The following SRRM2 variants were observed in gnomAD, a reference collection of about 807,000 sequenced individuals.
The protein encoded by SRRM2 is serine/arginine repetitive matrix protein 2.
In SRRM2, 30 loss-of-function variants were observed where a neutral mutation model predicts 213.8. The ratio of observed to expected loss-of-function variants is 0.14; its 90% CI spans 0.10 to 0.19. SRRM2 has a LOEUF of 0.19. Ranked by LOEUF, SRRM2 falls within the 10% of genes least tolerant of loss-of-function variation. The pLI is 1.00. For synonymous variants in SRRM2, 2,025 were observed against 1,377.7 expected (o/e 1.47, Z -10.40); for missense variants, 4,904 against 3,647.0 (o/e 1.34, Z -8.88).
chr16:2,770,245 C>G (rs370235436), intron 12 of SRRM2, 107 bp from the exon 13 acceptor site: 2 of 1,467,290 alleles, frequency 1.4e-6, no homozygotes, highest in Non-Finnish European at 1.8e-6. Context: ...TGAGGCTGGC[C>G]CTGTGTGGTG....
chr16:2,766,496 A>G lies in SRRM2; in HGVS notation c.5968A>G (p.Thr1990Ala). 1 of 1,613,832 alleles carries G rather than the reference A, an allele frequency of 6.2e-7. No homozygotes were observed. The highest frequency in any genetic ancestry group is 2.2e-5 in the East Asian group (1 of 44,864). ...RRSRSRTSPVTRRRSRSRTSP... is the reference protein window; with the variant it reads ...RRSRSRTSPVARRRSRSRTSP... ...ATCAAGATCCAGAACATCTCCGGTC[A>G]CCCGAAGGAGATCTCGATCTCGCAC... The change falls in exon 11 of 15, where the codon ACC becomes GCC. Residue 1990 changes from threonine to alanine, a missense_variant. Thr to Ala is a moderately conservative substitution (Grantham distance 58). Coordinates refer to ENST00000301740, the MANE Select transcript of SRRM2 (RefSeq NM_016333.4). This position sits in a 1 kb window ranked among gnomAD's most constrained non-coding sequence, Gnocchi z 7.0.
In SRRM2 at chr16:2,767,612, G is replaced by T. The variant is rs766703629; in HGVS notation, c.7084G>T (p.Ala2362Ser). 63 of 1,613,998 alleles carry T rather than the reference G, an allele frequency of 3.9e-5. No individual in the cohort carries two copies. Among genetic ancestry groups the T allele is most frequent in the Non-Finnish European group, 5.3e-5 (62 of 1,180,038 alleles). ...CGGCTCCAGAACCGCCGCAGCCTTG[G>T]CCCCCGCGAGCCTCACCAGTGCTAG... ...IAGSRTAAALAPASLTSARMA... is the reference protein window; with the variant it reads ...IAGSRTAAALSPASLTSARMA... Residue 2362 changes from alanine to serine, a missense_variant, in exon 11 of 15, where the codon GCC (alanine) becomes TCC (serine). By Grantham distance (99) the Ala-to-Ser change is moderately conservative. Coordinates refer to ENST00000301740, the MANE Select transcript of SRRM2 (RefSeq NM_016333.4).
At position 2,771,021 on chromosome 16, in the gene SRRM2, TTC is replaced by T; in HGVS notation, c.*156_*157del. 1.1e-6 allele frequency: 1 copy of T among 873,834 alleles called. No homozygotes were observed. Among genetic ancestry groups the T allele is most frequent in the Non-Finnish European group, 1.7e-6 (1 of 579,768 alleles). 54.1% of individuals were successfully genotyped at this position (873,834 alleles called of 1,614,324 possible). A position where few individuals can be genotyped will look rare whatever the true frequency, so the allele number is the denominator to read the frequency against. On this transcript the variant is annotated 3_prime_UTR_variant, in exon 15 of 15. Transcript: ENST00000301740. ...GCTCCCTTTCCCTCCCCTTTTTTTT[TTC>T]TTTGTTCCTGTGAAATGTTAATCTC...
intron 13 of SRRM2, 64 bp downstream of exon 13, chr16:2,770,529 A>C (rs2068705982): frequency 3.2e-6 from 5 of 1,559,900 alleles, no homozygotes; most frequent in Non-Finnish European, 4.3e-6. Context: ...TACAAAGAAG[A>C]AAGCTTTGCG....
At position 2,759,349 on chromosome 16, in the gene SRRM2, C is replaced by G; in HGVS notation, c.690-3C>G. On this transcript the variant is annotated splice_region_variant and splice_polypyrimidine_tract_variant and intron_variant, in intron 7 of 14. Transcript: ENST00000301740. Reference sequence around the variant, plus strand: ...CTTTTAACAACCTTTCCTTATTTCCCAGGTCTCCCACTCCAAAGAGCAAAC... The same window carrying G: ...CTTTTAACAACCTTTCCTTATTTCCGAGGTCTCCCACTCCAAAGAGCAAAC... The G allele has an allele frequency of 1.2e-6, 2 of 1,604,184 alleles. No individual in the cohort carries two copies. The highest frequency in any genetic ancestry group is 2.3e-5 in the South Asian group (2 of 88,268).
rs145499603 is a variant in SRRM2 at position 2,756,642 on chromosome 16, G to T, written c.242+36G>T. ...GCTGGGGGAGAGTCAAGCACTGAAT[G>T]AGTGCAGAGCTGGGGGTGTTAGGTG... On this transcript the variant is annotated intron_variant, in intron 2 of 14. Coordinates refer to ENST00000301740, the MANE Select transcript of SRRM2 (RefSeq NM_016333.4). 9 of 1,590,100 alleles carry T rather than the reference G, an allele frequency of 5.7e-6. No individual in the cohort carries two copies. In the African/African-American group the frequency reaches 1.1e-4, roughly 19 times the overall value.
intron 1 of SRRM2, among the ~76,000 whole-genome samples, chr16:2,755,165 A>G (rs2068097458): frequency 6.6e-6 from 1 of 152,224 alleles, no homozygotes. Flanking sequence ...ATGTAATAGG[A>G]GAAAGGAATA....
At position 2,766,427 on chromosome 16, in the gene SRRM2, A is replaced by G. The variant is rs2068545822; in HGVS notation, c.5899A>G (p.Arg1967Gly). The G allele has an allele frequency of 2.5e-6, 4 of 1,613,780 alleles. No individual in the cohort carries two copies. The highest frequency in any genetic ancestry group is 2.5e-6 in the Non-Finnish European group (3 of 1,179,982). Residue 1967 changes from arginine to glycine, a missense_variant, in exon 11 of 15, where the codon AGG becomes GGG. By Grantham distance (125) the Arg-to-Gly change is moderately radical (BLOSUM62 -2). Transcript: ENST00000301740. The surrounding 1 kb of genome is among the most constrained non-coding windows in gnomAD (Gnocchi z 7.0). The part of the protein sequence containing the change: ...RSRSRTPPVT[R>G]RRSRSRTSPI... ...CAGATCCAGGACTCCACCAGTAACC[A>G]GGAGGCGATCTCGAAGCAGAACTTC...
chr16:2,763,812 A>C lies in SRRM2; in HGVS notation c.3284A>C (p.Lys1095Thr), dbSNP rs140034138. The C allele has an allele frequency of 7.4e-6, 12 of 1,614,060 alleles. No individual in the cohort carries two copies. The highest frequency in any genetic ancestry group is 7.6e-6 in the Non-Finnish European group (9 of 1,180,040). ...SLQSKSQTSP[K>T]GGRSRSSSPV... is the part of the protein sequence containing the mutation. The stretch of plus-strand genomic sequence containing the variant: ...CAGAGCAAATCTCAAACATCACCTA[A>C]GGGAGGTCGGTCCAGGTCTTCATCT... Residue 1095 changes from lysine to threonine, a missense_variant, in exon 11 of 15, where the codon AAG becomes ACG. Coordinates refer to ENST00000301740, the MANE Select transcript of SRRM2 (RefSeq NM_016333.4).
intron 9 of SRRM2, chr16:2,760,034 G>A (rs1262861586): frequency 1.8e-6 from 1 of 561,100 alleles, no homozygotes. Context: ...AGCGGGTAGG[G>A]AGTGGGCTGG....
chr16:2,756,382 G>T lies in SRRM2; in HGVS notation c.18G>T (p.Gly6=), dbSNP rs996300540. MYNGI[G]LPTPRGSGTN... The stretch of plus-strand genomic sequence containing the variant: ...ACGGGGCCATGTACAACGGGATCGG[G>T]CTGCCGACGCCCCGGGGCAGCGGCA... Residue 6 remains glycine (G), a synonymous_variant, in exon 2 of 15, where the codon GGG becomes GGT. Coordinates refer to ENST00000301740, the MANE Select transcript of SRRM2 (RefSeq NM_016333.4). 6.2e-7 allele frequency: 1 copy of T among 1,606,066 alleles called. No homozygotes were observed. Among genetic ancestry groups the T allele is most frequent in the Non-Finnish European group, 8.5e-7 (1 of 1,177,592 alleles).
At chr16:2,770,152 C>G (rs1158878417) in intron 12 of SRRM2, 200 bp from the exon 13 acceptor site, 5 of 1,433,792 alleles carry the variant, frequency 3.5e-6, no homozygotes, top group South Asian at 3.0e-5. Flanking sequence ...CTTTGCATCC[C>G]CCGCTGCACC....
At position 2,764,674 on chromosome 16, in the gene SRRM2, C is replaced by G. The variant is rs773257782; in HGVS notation, c.4146C>G (p.Ser1382Arg). 3 of 1,614,126 alleles carry G rather than the reference C, an allele frequency of 1.9e-6. No individual in the cohort carries two copies. The highest frequency in any genetic ancestry group is 2.5e-6 in the Non-Finnish European group (3 of 1,180,040). The change falls in exon 11 of 15, where the codon AGC becomes AGG. Residue 1382 changes from serine (S) to arginine (R), a missense_variant. By Grantham distance (110) the Ser-to-Arg change is moderately radical (BLOSUM62 -1). Transcript: ENST00000301740. Reference protein sequence around the residue: ...KEQSTRSSGHSSSELSPDAVE... With the variant: ...KEQSTRSSGHRSSELSPDAVE... ...AATCGACAAGATCCTCTGGACACAGCAGTTCTGAGTTATCCCCAGATGCAG... is the reference window on the plus strand; with the variant it reads ...AATCGACAAGATCCTCTGGACACAGGAGTTCTGAGTTATCCCCAGATGCAG...
chr16:2,760,254 T>A (rs1295341731), intron 9 of SRRM2, 47 bp from the exon 10 acceptor site: 1 of 1,577,966 alleles, frequency 6.3e-7, no homozygotes. Flanking sequence ...TGTTCTCCCT[T>A]TGAGCTGATT....
At chr16:2,755,630 C>G (rs896941194) in intron 1 of SRRM2, among the ~76,000 whole-genome samples, 3 of 152,096 alleles carry the variant, frequency 2.0e-5, no homozygotes, top group African/African-American at 7.2e-5. Flanking sequence ...TATTTGGAAT[C>G]AAGGAAATGG....
intron 10 of SRRM2, 68 bp from the exon 11 acceptor site, chr16:2,761,493 G>A: frequency 7.6e-7 from 1 of 1,315,936 alleles, no homozygotes. Flanking sequence ...AGGGTGTTGG[G>A]ATCTTAGGGG....
chr16:2,763,071 C>A lies in SRRM2; in HGVS notation c.2543C>A (p.Thr848Lys). ...CCTCATCCTAAAGTGAAATCTGGAACACCACCGAGGCAAGGGTCCATAACA... is the reference window on the plus strand; with the variant it reads ...CCTCATCCTAAAGTGAAATCTGGAAAACCACCGAGGCAAGGGTCCATAACA... Reference protein sequence around the residue: ...SSPHPKVKSGTPPRQGSITSP... With the variant: ...SSPHPKVKSGKPPRQGSITSP... Residue 848 changes from threonine (T) to lysine (K), a missense_variant, in exon 11 of 15, where the codon ACA (threonine) becomes AAA (lysine). Coordinates refer to ENST00000301740, the MANE Select transcript of SRRM2 (RefSeq NM_016333.4). The A allele has an allele frequency of 6.2e-7, 1 of 1,614,126 alleles. No homozygotes were observed. Among genetic ancestry groups the A allele is most frequent in the Non-Finnish European group, 8.5e-7 (1 of 1,180,022 alleles).
rs1046271244 is a variant in SRRM2 at position 2,770,039 on chromosome 16, T to C, written c.8022-313T>C. On this transcript the variant is annotated intron_variant, in intron 12 of 14. Transcript: ENST00000301740. ...TGCCTTGCCCCATGTCCCCCTCCCT[T>C]GGGTCCCCAGAGCCACGCACATCCA... is the stretch of plus-strand genomic sequence containing the variant. 2.2e-5 allele frequency: 20 copies of C among 894,636 alleles called. No individual in the cohort carries two copies. The Middle Eastern group carries it at 1.5e-3, about 67-fold the overall frequency. The allele number at this position is 894,636 out of a possible 1,614,324, so 55.4% of individuals were successfully genotyped here.
rs375437864 is a variant in SRRM2 at position 2,757,916 on chromosome 16, A to G, written c.486A>G (p.Gln162=). The stretch of plus-strand genomic sequence containing the variant: ...AGCGTCGTGCCCGAGAAGCTAAACA[A>G]CCAGCTCCTGAGCCTCCCAAACCTT... ...DPQRRAREAK[Q]PAPEPPKPYS... The change falls in exon 4 of 15, where the codon CAA becomes CAG. Residue 162 remains glutamine (Q), a synonymous_variant. Transcript: ENST00000301740. 6.8e-6 allele frequency: 11 copies of G among 1,613,964 alleles called. No individual in the cohort carries two copies. The highest frequency in any genetic ancestry group is 2.7e-5 in the African/African-American group (2 of 74,876).
Sources: gnomAD v4.1 joint callset for allele counts (sites outside exome capture counted in the v4.1 genomes callset) on GRCh38, gnomAD v4.1.1 for gene constraint, Gnocchi (gnomAD v3.1) non-coding constraint, MANE v1.5 for transcripts, NCBI Gene and HGNC (gene_info 2026-07-23, HGNC 2026-07-21) for gene names.